KRIT1: variants seen among roughly 807,000 people sequenced by gnomAD.
KRIT1 encodes the protein KRIT1 ankyrin repeat containing.
A neutral mutation model predicts 95.8 loss-of-function variants in KRIT1; 45 were observed. The observed-to-expected ratio is 0.47, with a 90% CI of 0.37 to 0.60. KRIT1 has a LOEUF of 0.60. Ranked by LOEUF, KRIT1 falls within the 20% of genes least tolerant of loss-of-function variation. The probability of loss-of-function intolerance (pLI) is 0.00; values close to 1 mark genes in which losing one functional copy is unlikely to be tolerated. For synonymous variants in KRIT1, 282 were observed against 278.8 expected (o/e 1.01, Z -0.11); for missense variants, 788 against 877.5 (o/e 0.90, Z 1.29).
At position 92,221,901 on chromosome 7, in the gene KRIT1, C is replaced by T. The variant is rs549591728; in HGVS notation, c.1563+1G>A. 3 of 1,613,088 alleles carry T rather than the reference C, an allele frequency of 1.9e-6. No individual in the cohort carries two copies. Among genetic ancestry groups the T allele is most frequent in the Admixed American group, 1.7e-5 (1 of 60,016 alleles). On this transcript the variant is annotated splice_donor_variant, in intron 14 of 18. Coordinates refer to ENST00000394505, the MANE Select transcript of KRIT1 (RefSeq NM_194454.3). LOFTEE classifies it high-confidence loss of function. ...ACTGTAAATAAGATTTCCAAGCAAA[C>T]CTGTTTTTCAACTTCCAAGGGAAGT...
Position 92,235,624 on chromosome 7 carries a change from G to C in KRIT1, c.508C>G (p.Gln170Glu), listed in dbSNP as rs1418677221. The C allele has an allele frequency of 1.9e-6, 3 of 1,613,804 alleles. No homozygotes were observed. The highest frequency in any genetic ancestry group is 1.1e-5 in the South Asian group (1 of 91,056). The change falls in exon 8 of 19, where the codon CAA becomes GAA. Residue 170 changes from glutamine to glutamate, a missense_variant. Transcript: ENST00000394505. The stretch of plus-strand genomic sequence containing the variant: ...AATAAAGCTGGAATAAAGTGAGATT[G>C]TGCATGACGTTCATCTAACCACCTG... ...LDKWLDERHA[Q>E]SHFIPALFRP... is the part of the protein sequence containing the mutation.
chr7:92,225,656 C>T (rs1796061119), intron 12 of KRIT1, 64 bp downstream of exon 12: 9 of 969,244 alleles, frequency 9.3e-6, no homozygotes, highest in Admixed American at 3.5e-5. Flanking sequence ...GCCACAGATC[C>T]TCAAATTTAA....
At chr7:92,209,772 A>G (rs1387441796) in intron 17 of KRIT1, among the ~76,000 whole-genome samples, 1 of 152,172 alleles carries the variant, frequency 6.6e-6, no homozygotes, top group Non-Finnish European at 1.5e-5. Flanking sequence ...TTGTTAAAAT[A>G]GCAATATAGG....
At position 92,202,542 on chromosome 7, in the gene KRIT1, G is replaced by A. The variant is rs372827775; in HGVS notation, c.2026-1119C>T. Among the ~76,000 whole-genome samples the A allele has an allele frequency of 2.6e-5, 4 of 152,254 alleles. 1 individual carries two copies. ...ATTTTTAAGATACATATGTTTAGAA[G>A]CATTCAGTTTCTATAAATACCAATT... On this transcript the variant is annotated intron_variant, in intron 17 of 18. Transcript: ENST00000394505.
In KRIT1 at chr7:92,224,898, G is replaced by A. The variant is rs191968297; in HGVS notation, c.1254+822C>T. 1.8e-3 allele frequency among the ~76,000 whole-genome samples: 281 copies of A among 152,246 alleles called. 2 individuals are homozygous for A. Among genetic ancestry groups the A allele is most frequent in the African/African-American group, 6.3e-3 (261 of 41,542 alleles). ...AATCAGGCTGGGCGTGGTGGTTCAC[G>A]CCTGTAATCCCAGCACTTTGGGAGG... On this transcript the variant is annotated intron_variant, in intron 12 of 18. Coordinates refer to ENST00000394505, the MANE Select transcript of KRIT1 (RefSeq NM_194454.3).
chr7:92,230,647 G>C (rs1418518125), intron 10 of KRIT1, among the ~76,000 whole-genome samples: 4 of 152,124 alleles, frequency 2.6e-5, no homozygotes, highest in Non-Finnish European at 5.9e-5. Context: ...CAAGAAGGAA[G>C]AGAATCATGC....
At position 92,199,632 on chromosome 7, in the gene KRIT1, T is replaced by A. The variant is rs1052810390; in HGVS notation, c.*1104A>T. The stretch of plus-strand genomic sequence containing the variant: ...TGTATTTAACAAATGCAACTTCTAA[T>A]ATCAAGAGATTATCACTTAAAATGT... On this transcript the variant is annotated 3_prime_UTR_variant, in exon 19 of 19. Coordinates refer to ENST00000394505, the MANE Select transcript of KRIT1 (RefSeq NM_194454.3). 6.6e-6 allele frequency: 1 copy of A among 152,226 alleles called. No individual in the cohort carries two copies. Among genetic ancestry groups the A allele is most frequent in the African/African-American group, 2.4e-5 (1 of 41,472 alleles). The allele number at this position is 152,226 out of a possible 1,614,324, so 9.4% of individuals were successfully genotyped here. A position where few individuals can be genotyped will look rare whatever the true frequency, so the allele number is the denominator to read the frequency against.
chr7:92,229,723 T>C (rs930775392), intron 10 of KRIT1, among the ~76,000 whole-genome samples: 1 of 152,226 alleles, frequency 6.6e-6, no homozygotes, highest in African/African-American at 2.4e-5. Flanking sequence ...TTTTTGCTTC[T>C]TTTTTGTGAC....
intron 14 of KRIT1, among the ~76,000 whole-genome samples, chr7:92,215,551 C>G (rs1413601527): frequency 6.6e-6 from 1 of 152,164 alleles, no homozygotes; most frequent in Non-Finnish European, 1.5e-5. Context: ...CCCACTGCAG[C>G]CTCGACCTCG....
rs1345158119 is a variant in KRIT1, at chr7:92,209,973, C to T, written c.2025+3222G>A. ...CTGTAATCCCAGCTACTTGGGAGGC[C>T]GAGGCAGGAAAACTGCTTGAACCCA... On this transcript the variant is annotated intron_variant, in intron 17 of 18. Coordinates refer to ENST00000394505, the MANE Select transcript of KRIT1 (RefSeq NM_194454.3). 4.0e-5 allele frequency among the ~76,000 whole-genome samples: 6 copies of T among 151,762 alleles called. No individual in the cohort carries two copies. The South Asian group carries it at 1.0e-3, about 26-fold the overall frequency.
At chr7:92,201,216 T>G (rs1481876314) in intron 18 of KRIT1, 91 bp downstream of exon 18, 5 of 753,608 alleles carry the variant, frequency 6.6e-6, no homozygotes, top group Admixed American at 1.9e-5. Flanking sequence ...TTACAGGTTT[T>G]CCTTGAAGTT....
intron 14 of KRIT1, among the ~76,000 whole-genome samples, chr7:92,221,006 C>T (rs1795029920): frequency 6.6e-6 from 1 of 151,884 alleles, no homozygotes; most frequent in African/African-American, 2.4e-5. Context: ...CTTCTTATGG[C>T]ATTATGTCAC....
intron 10 of KRIT1, among the ~76,000 whole-genome samples, chr7:92,233,563 C>T (rs187865863): frequency 9.9e-5 from 15 of 151,988 alleles, no homozygotes; most frequent in African/African-American, 3.1e-4. Flanking sequence ...TGCACCACCA[C>T]GCCCGGCTAA....
At chr7:92,230,089 A>G (rs1796973319) in intron 10 of KRIT1, among the ~76,000 whole-genome samples, 1 of 152,224 alleles carries the variant, frequency 6.6e-6, no homozygotes, top group African/African-American at 2.4e-5. Flanking sequence ...TAAAAATAAT[A>G]CAAACATACA....
chr7:92,237,533 C>T, intron 6 of KRIT1, 134 bp downstream of exon 6: 1 of 430,212 alleles, frequency 2.3e-6, no homozygotes, highest in Non-Finnish European at 4.2e-6. Flanking sequence ...ACATATTTCC[C>T]TTCTATTAAT....
chr7:92,240,884 A>T, intron 5 of KRIT1, 109 bp downstream of exon 5: 1 of 901,486 alleles, frequency 1.1e-6, no homozygotes, highest in Non-Finnish European at 1.8e-6. Flanking sequence ...AAGTTTGTTA[A>T]ATGTAAAGGA....
rs1352154850 is a variant in KRIT1, at chr7:92,244,885, AGGGGGGTGGCACCTACCT to A, written c.-152_-151+16del. 1 of 152,186 alleles carries A rather than the reference AGGGGGGTGGCACCTACCT, an allele frequency of 6.6e-6. No individual in the cohort carries two copies. Among genetic ancestry groups the A allele is most frequent in the Non-Finnish European group, 1.5e-5 (1 of 68,036 alleles). The allele number at this position is 152,186 out of a possible 1,614,324, so 9.4% of individuals were successfully genotyped here. A position where few individuals can be genotyped will look rare whatever the true frequency, so the allele number is the denominator to read the frequency against. On this transcript the variant is annotated splice_donor_variant and splice_donor_5th_base_variant and 5_prime_UTR_variant and intron_variant, in exon 2 of 19. Transcript: ENST00000394505. LOFTEE classifies it low-confidence loss of function (5UTR_SPLICE). ...AAAGCAGTGGAAGTGGTCCTTAATTAGGGGGGTGGCACCTACCTGGGATCACTGGAAAATATGGAGGGC... is the reference window on the plus strand; with the variant it reads ...AAAGCAGTGGAAGTGGTCCTTAATTAGGGATCACTGGAAAATATGGAGGGC...
chr7:92,234,753 T>C lies in KRIT1; in HGVS notation c.845+55A>G. 3 of 1,197,078 alleles carry C rather than the reference T, an allele frequency of 2.5e-6. No individual in the cohort carries two copies. In the South Asian group the frequency reaches 3.6e-5, roughly 15 times the overall value. 74.2% of individuals were successfully genotyped at this position (1,197,078 alleles called of 1,614,324 possible). ...GCATATATAATTTTAAACAATACTT[T>C]AAATTAGAATGTAAGTTTTTATAAA... On this transcript the variant is annotated intron_variant, in intron 9 of 18. Coordinates refer to ENST00000394505, the MANE Select transcript of KRIT1 (RefSeq NM_194454.3).
chr7:92,241,682 T>TA (rs1317006674), intron 4 of KRIT1, among the ~76,000 whole-genome samples: 1 of 152,212 alleles, frequency 6.6e-6, no homozygotes, highest in African/African-American at 2.4e-5. Context: ...TTGTTAAAAA[T>TA]AGTTATTTGG....
Sources: allele counts gnomAD v4.1 joint callset (sites outside exome capture counted in the v4.1 genomes callset), GRCh38; gene constraint gnomAD v4.1.1; transcripts MANE v1.5; gene names NCBI Gene and HGNC (gene_info 2026-07-23, HGNC 2026-07-21).